Variants in MAGI2 observed in about 807,000 individuals in gnomAD.
MAGI2 encodes the protein membrane-associated guanylate kinase, WW and PDZ domain-containing protein 2.
In MAGI2, 35 loss-of-function variants were observed where a neutral mutation model predicts 133.3. That is an observed-to-expected ratio of 0.26 (90% confidence interval 0.20 to 0.35). The LOEUF is 0.35. MAGI2 is among the 10% of genes least tolerant of loss of function. The probability of loss-of-function intolerance (pLI) is 1.00; values close to 1 mark genes in which losing one functional copy is unlikely to be tolerated. For synonymous variants in MAGI2, 729 were observed against 710.6 expected (o/e 1.03, Z -0.41); for missense variants, 1,636 against 1,863.4 (o/e 0.88, Z 2.25).
At chr7:78,581,438 G>A (rs1204643691) in intron 3 of MAGI2, among the ~76,000 whole-genome samples, 2 of 152,200 alleles carry the variant, frequency 1.3e-5, no homozygotes, top group Non-Finnish European at 2.9e-5. Context: ...GGTGGGTACA[G>A]ATATGCATAG....
intron 2 of MAGI2, among the ~76,000 whole-genome samples, chr7:78,738,730 A>C (rs1822108634): frequency 6.6e-6 from 1 of 152,216 alleles, no homozygotes; most frequent in Non-Finnish European, 1.5e-5. Flanking sequence ...TAAATGTGTG[A>C]AATGTGTTGT....
chr7:78,429,051 A>G (rs116203161), intron 6 of MAGI2, among the ~76,000 whole-genome samples: 1,778 of 152,274 alleles, frequency 0.012, 35 homozygotes, highest in African/African-American at 0.041. Context: ...TTATTATCAT[A>G]AGGTATCTAG....
At chr7:79,128,727 T>A (rs1447092452) in intron 1 of MAGI2, among the ~76,000 whole-genome samples, 1 of 152,238 alleles carries the variant, frequency 6.6e-6, no homozygotes, top group East Asian at 1.9e-4. Flanking sequence ...TGTAATTATA[T>A]TTAAAATTAA....
chr7:78,520,159 G>T (rs186983008), intron 4 of MAGI2, among the ~76,000 whole-genome samples: 110 of 152,124 alleles, frequency 7.2e-4, no homozygotes, highest in African/African-American at 2.6e-3. Flanking sequence ...ATATATTAAG[G>T]GAGGAGGTTG....
chr7:79,221,453 C>A (rs1830439761), intron 1 of MAGI2, among the ~76,000 whole-genome samples: 1 of 151,920 alleles, frequency 6.6e-6, no homozygotes, highest in Admixed American at 6.6e-5. Context: ...AGGTAATGCA[C>A]AGCTGTATAT....
chr7:79,341,702 T>C (rs1840918813), intron 1 of MAGI2, among the ~76,000 whole-genome samples: 2 of 152,206 alleles, frequency 1.3e-5, no homozygotes, highest in South Asian at 2.1e-4. Flanking sequence ...GGGGATCCTA[T>C]AACAAACTGT....
At chr7:78,379,224 CA>C (rs1432367398) in intron 6 of MAGI2, among the ~76,000 whole-genome samples, 7 of 151,902 alleles carry the variant, frequency 4.6e-5, no homozygotes, top group African/African-American at 1.4e-4. Flanking sequence ...TGATAGAGTT[CA>C]AACCAAACAT....
intron 2 of MAGI2, among the ~76,000 whole-genome samples, chr7:78,958,410 TA>T (rs1414792698): frequency 6.6e-6 from 1 of 152,148 alleles, no homozygotes; most frequent in East Asian, 1.9e-4. Context: ...TGACAGTTCT[TA>T]TTATGCTTCT....
intron 2 of MAGI2, among the ~76,000 whole-genome samples, chr7:78,679,223 C>T (rs1482874095): frequency 6.6e-6 from 1 of 152,110 alleles, no homozygotes; most frequent in Non-Finnish European, 1.5e-5. Context: ...GAGAGTGAGG[C>T]ATCCCTACAT....
chr7:79,045,057 T>C (rs966849025), intron 1 of MAGI2, among the ~76,000 whole-genome samples: 4 of 152,184 alleles, frequency 2.6e-5, no homozygotes, highest in Non-Finnish European at 4.4e-5. Context: ...AATAGTGGGT[T>C]AATAAATGAA....
chr7:78,413,863 A>G (rs1798067173), intron 6 of MAGI2, among the ~76,000 whole-genome samples: 1 of 152,054 alleles, frequency 6.6e-6, no homozygotes, highest in Non-Finnish European at 1.5e-5. Flanking sequence ...TCAGTGGAAA[A>G]TGGGAAAACA....
At chr7:78,634,569 T>C (rs888524808) in intron 2 of MAGI2, among the ~76,000 whole-genome samples, 1 of 152,170 alleles carries the variant, frequency 6.6e-6, no homozygotes, top group Non-Finnish European at 1.5e-5. Flanking sequence ...AAATGAAGTG[T>C]TGTACAATGG....
chr7:78,477,719 G>A (rs1791924198), intron 6 of MAGI2, among the ~76,000 whole-genome samples: 1 of 151,938 alleles, frequency 6.6e-6, no homozygotes, highest in South Asian at 2.1e-4. Context: ...TTGACACATG[G>A]GGATTACTAC....
chr7:78,517,878 A>C (rs951812335), intron 4 of MAGI2, among the ~76,000 whole-genome samples: 1 of 152,146 alleles, frequency 6.6e-6, no homozygotes, highest in African/African-American at 2.4e-5. Context: ...TAACATTGAT[A>C]ATGTTAGCAG....
chr7:79,155,083 C>T (rs1396701753), intron 1 of MAGI2, among the ~76,000 whole-genome samples: 1 of 152,156 alleles, frequency 6.6e-6, no homozygotes, highest in Non-Finnish European at 1.5e-5. Flanking sequence ...TTTCACAAGG[C>T]ACATCCCATG....
intron 21 of MAGI2, among the ~76,000 whole-genome samples, chr7:78,071,324 T>G (rs1457737740): frequency 6.6e-6 from 1 of 151,968 alleles, no homozygotes; most frequent in Admixed American, 6.6e-5. Context: ...TCACCTGAGG[T>G]CAGGAGTTTG....
intron 1 of MAGI2, among the ~76,000 whole-genome samples, chr7:79,285,268 AAC>A (rs138522264): frequency 0.035 from 5,362 of 152,236 alleles, 165 homozygotes; most frequent in Non-Finnish European, 0.051. Flanking sequence ...AGCATAAACT[AAC>A]ACTGTCTGAT....
At chr7:78,047,170 G>C (rs1395292062) in intron 21 of MAGI2, among the ~76,000 whole-genome samples, 1 of 152,118 alleles carries the variant, frequency 6.6e-6, no homozygotes, top group Non-Finnish European at 1.5e-5. Context: ...CATCTTAATA[G>C]GAAAGAAACA....
chr7:79,028,265 A>ATGTATG (rs1554336426), intron 1 of MAGI2, among the ~76,000 whole-genome samples: 25 of 23,030 alleles, frequency 1.1e-3, no homozygotes, highest in African/African-American at 3.2e-3. Context: ...ATATATATAT[A>ATGTATG]TATGTATGTA....
Sources: gnomAD v4.1 joint callset for allele counts (sites outside exome capture counted in the v4.1 genomes callset) on GRCh38, gnomAD v4.1.1 for gene constraint, MANE v1.5 for transcripts, NCBI Gene and HGNC (gene_info 2026-07-23, HGNC 2026-07-21) for gene names.